The following ME3 variants were observed in gnomAD, a reference collection of about 807,000 sequenced individuals.
ME3 encodes NADP-dependent malic enzyme, mitochondrial.
In ME3, 48 loss-of-function variants were observed where a neutral mutation model predicts 68.9. That is an observed-to-expected ratio of 0.70 (90% CI 0.55 to 0.89). ME3 has a LOEUF of 0.89. Among genes scored for constraint, ME3 ranks in the 40% least tolerant of loss-of-function variants. The pLI is 0.00. For synonymous variants in ME3, 320 were observed against 318.8 expected, an observed-to-expected ratio of 1.00 and a Z score of -0.04; for missense variants, 675 against 797.4, an observed-to-expected ratio of 0.85 and a Z score of 1.85.
At chr11:86,474,160 GC>G (rs1360187593) in intron 7 of ME3, among the ~76,000 whole-genome samples, 1 of 152,208 alleles carries the variant, frequency 6.6e-6, no homozygotes, top group Non-Finnish European at 1.5e-5. Flanking sequence ...TCCCTGGTGT[GC>G]TGGGGTCTGG....
At chr11:86,530,160 G>C (rs61163525) in intron 4 of ME3, among the ~76,000 whole-genome samples, 2,019 of 152,220 alleles carry the variant, frequency 0.013, 51 homozygotes, top group African/African-American at 0.045. Flanking sequence ...AAAATCTCAG[G>C]ATACAAAATC....
chr11:86,626,518 G>A lies in ME3; in HGVS notation c.183+45244C>T, dbSNP rs368122254. Among the ~76,000 whole-genome samples, 9 of 152,310 alleles carry A rather than the reference G, an allele frequency of 5.9e-5. No individual in the cohort carries two copies. The South Asian group carries it at 1.2e-3, about 21-fold the overall frequency. On this transcript the variant is annotated intron_variant, in intron 2 of 14. Coordinates refer to ENST00000543262, the Ensembl canonical transcript of ME3. ...TCTGGGTCTCAGACCTCTTGGCCTC[G>A]TCTCTAATTTTCTGCCTTTTAATAA...
At chr11:86,528,713 C>G (rs561255028) in intron 4 of ME3, among the ~76,000 whole-genome samples, 1 of 151,560 alleles carries the variant, frequency 6.6e-6, no homozygotes, top group African/African-American at 2.4e-5. Flanking sequence ...CACTCAAAAC[C>G]GCTCAACTAC....
chr11:86,519,610 C>CT (rs1466008534), intron 4 of ME3, among the ~76,000 whole-genome samples: 4 of 152,232 alleles, frequency 2.6e-5, no homozygotes, highest in African/African-American at 7.2e-5. Context: ...ACTTTCAACT[C>CT]TAACAAAGGC....
intron 2 of ME3, among the ~76,000 whole-genome samples, chr11:86,597,309 C>T (rs1033329981): frequency 6.6e-6 from 1 of 152,250 alleles, no homozygotes; most frequent in African/African-American, 2.4e-5. Flanking sequence ...CCCAGAGTTC[C>T]TTACAGTATC....
chr11:86,589,335 G>C (rs1176595844), intron 2 of ME3, among the ~76,000 whole-genome samples: 1 of 152,082 alleles, frequency 6.6e-6, no homozygotes, highest in Non-Finnish European at 1.5e-5. Context: ...CTAAATAAAT[G>C]GGGGTAGGGT....
chr11:86,663,247 T>C (rs1946393117), intron 2 of ME3, among the ~76,000 whole-genome samples: 1 of 148,560 alleles, frequency 6.7e-6, no homozygotes. Context: ...AATGCAGCTT[T>C]GGCTTTCTCT....
rs147337566 is a variant in ME3, at chr11:86,577,609, A to T, written c.184-17786T>A. On this transcript the variant is annotated intron_variant, in intron 2 of 14. Transcript: ENST00000543262. ...TATTAACCAAAATGAAGAATTTCCC[A>T]TTCCAGGGGAAGTGAAAGGAATCAT... Among the ~76,000 whole-genome samples the T allele has an allele frequency of 2.1e-3, 324 of 152,348 alleles. 1 individual carries two copies. Among genetic ancestry groups the T allele is most frequent in the African/African-American group, 6.7e-3 (280 of 41,582 alleles).
At chr11:86,445,147 C>T (rs564111744) in intron 13 of ME3, among the ~76,000 whole-genome samples, 4 of 152,330 alleles carry the variant, frequency 2.6e-5, no homozygotes, top group East Asian at 1.9e-4. Context: ...CTTCACACAG[C>T]TCTGCCCACA....
At chr11:86,670,982 T>C (rs1213618077) in intron 2 of ME3, among the ~76,000 whole-genome samples, 3 of 152,188 alleles carry the variant, frequency 2.0e-5, no homozygotes, top group Non-Finnish European at 4.4e-5. Flanking sequence ...GGACTAAATC[T>C]GTCCTTGCTT....
At chr11:86,625,433 C>G (rs906561257) in intron 2 of ME3, among the ~76,000 whole-genome samples, 2 of 152,038 alleles carry the variant, frequency 1.3e-5, no homozygotes, top group African/African-American at 4.8e-5. Flanking sequence ...TAATCAGGAA[C>G]CTCCCATATC....
chr11:86,498,100 G>C (rs766885483), exon 6 of ME3: 3 of 1,612,488 alleles, frequency 1.9e-6, no homozygotes, highest in South Asian at 2.2e-5. Context: ...CCCAGGATGC[G>C]CTCCCCATCA....
intron 14 of ME3, among the ~76,000 whole-genome samples, chr11:86,441,925 T>A (rs1189587469): frequency 6.6e-6 from 1 of 152,188 alleles, no homozygotes; most frequent in African/African-American, 2.4e-5. Flanking sequence ...AATCTAAATA[T>A]CGCCCAAAGG....
chr11:86,480,424 A>G (rs763457028), intron 7 of ME3, among the ~76,000 whole-genome samples: 117 of 152,332 alleles, frequency 7.7e-4, no homozygotes, highest in Non-Finnish European at 1.3e-3. Flanking sequence ...GGAAGGTGAT[A>G]TGATTTTGTG....
At chr11:86,441,466 G>T in intron 14 of ME3, 26 bp from the exon 15 acceptor site, 1 of 1,562,360 alleles carries the variant, frequency 6.4e-7, no homozygotes, top group Non-Finnish European at 8.6e-7. Flanking sequence ...TTTGGCTAAG[G>T]AACCGGATCT....
intron 2 of ME3, among the ~76,000 whole-genome samples, chr11:86,604,087 AAGT>A (rs1384669607): frequency 5.3e-5 from 8 of 151,138 alleles, no homozygotes; most frequent in African/African-American, 1.5e-4. Flanking sequence ...CTAAAACTTA[AAGT>A]ATAATAATAA....
chr11:86,465,003 C>A, intron 8 of ME3, 88 bp downstream of exon 8: 1 of 1,059,492 alleles, frequency 9.4e-7, no homozygotes, highest in Non-Finnish European at 1.5e-6. Context: ...TATGGGGTGA[C>A]AGCCTTTCCT....
At chr11:86,600,377 G>T (rs11535845) in intron 2 of ME3, among the ~76,000 whole-genome samples, 19,830 of 152,084 alleles carry the variant, frequency 0.13, 1,736 homozygotes, top group East Asian at 0.39. Context: ...AATGGTGAAG[G>T]GATCAATTCA....
intron 3 of ME3, among the ~76,000 whole-genome samples, chr11:86,558,283 G>A (rs997231600): frequency 5.9e-5 from 9 of 152,172 alleles, no homozygotes; most frequent in Non-Finnish European, 1.5e-5. Context: ...CAAACTTAGG[G>A]TGTGTCTCAT....
Sources: allele counts gnomAD v4.1 joint callset (sites outside exome capture counted in the v4.1 genomes callset), GRCh38; gene constraint gnomAD v4.1.1; transcripts MANE v1.5; gene names NCBI Gene and HGNC (gene_info 2026-07-23, HGNC 2026-07-21).